The following HDAC9 variants were observed in gnomAD, a reference collection of about 807,000 sequenced individuals.
The protein encoded by HDAC9 is MEF-2 interacting transcription repressor (MITR) protein.
In HDAC9, 41 loss-of-function variants were observed where a neutral mutation model predicts 139.4. That is an observed-to-expected ratio of 0.29 (90% CI 0.23 to 0.38). The LOEUF is 0.38. HDAC9 is among the 10% of genes least tolerant of loss of function. The pLI is 1.00. For missense variants in HDAC9, 1,147 were observed against 1,297.0 expected, an observed-to-expected ratio of 0.88 and a Z score of 1.78; for synonymous variants, 517 against 476.2, an observed-to-expected ratio of 1.09 and a Z score of -1.12.
At chr7:18,282,721 A>G (rs543881416) in intron 2 of HDAC9, among the ~76,000 whole-genome samples, 15 of 152,222 alleles carry the variant, frequency 9.9e-5, no homozygotes, top group South Asian at 2.1e-4. Context: ...GGGAAAAATA[A>G]TAAATGAGTC....
At chr7:18,361,596 T>A (rs1783782830) in intron 1 of HDAC9, among the ~76,000 whole-genome samples, 1 of 152,220 alleles carries the variant, frequency 6.6e-6, no homozygotes, top group Non-Finnish European at 1.5e-5. Context: ...AAGGAAACAT[T>A]CATTTCTCTT....
intron 22 of HDAC9, among the ~76,000 whole-genome samples, chr7:18,897,269 T>C (rs1270948957): frequency 6.6e-6 from 1 of 152,056 alleles, no homozygotes; most frequent in African/African-American, 2.4e-5. Flanking sequence ...GTACATCTGA[T>C]TTAAAGATGA....
At chr7:18,836,552 T>G (rs1044378109) in intron 21 of HDAC9, among the ~76,000 whole-genome samples, 6 of 152,168 alleles carry the variant, frequency 3.9e-5, no homozygotes, top group Non-Finnish European at 1.5e-5. Flanking sequence ...TTCCATTTTC[T>G]CTGGAACAAA....
intron 2 of HDAC9, among the ~76,000 whole-genome samples, chr7:18,574,371 GA>G (rs1563334469): frequency 6.6e-6 from 1 of 152,224 alleles, no homozygotes; most frequent in Non-Finnish European, 1.5e-5. Flanking sequence ...CAGTCTGGCT[GA>G]GTCCAGGGTC....
chr7:18,223,254 C>G lies in HDAC9; in HGVS notation c.25+60905C>G, dbSNP rs528616016. ...TACGTATGTTGTAAATATTTACATA[C>G]GTCTTTTTCTTTTACCTCTTATGAT... is the stretch of plus-strand genomic sequence containing the variant. On this transcript the variant is annotated intron_variant, in intron 2 of 12. Transcript: ENST00000417496. Among the ~76,000 whole-genome samples the G allele has an allele frequency of 2.0e-5, 3 of 152,154 alleles. No homozygotes were observed. In the East Asian group the frequency reaches 5.8e-4, roughly 29 times the overall value.
chr7:18,721,363 T>C (rs1323100846), intron 12 of HDAC9, among the ~76,000 whole-genome samples: 1 of 152,184 alleles, frequency 6.6e-6, no homozygotes, highest in Non-Finnish European at 1.5e-5. Context: ...TAATATGTGA[T>C]ATTAATTTGC....
chr7:18,795,435 AT>A (rs1792716332), intron 17 of HDAC9, among the ~76,000 whole-genome samples: 1 of 152,056 alleles, frequency 6.6e-6, no homozygotes, highest in African/African-American at 2.4e-5. Flanking sequence ...AAGGTCATCC[AT>A]GGCACTGGCA....
chr7:18,573,319 A>G (rs1379274954), intron 2 of HDAC9, among the ~76,000 whole-genome samples: 1 of 152,236 alleles, frequency 6.6e-6, no homozygotes, highest in Non-Finnish European at 1.5e-5. Context: ...TTATTCCACG[A>G]TAATGTTATC....
intron 19 of HDAC9, among the ~76,000 whole-genome samples, chr7:18,830,378 C>T (rs1026799519): frequency 3.3e-5 from 5 of 152,108 alleles, no homozygotes; most frequent in East Asian, 3.8e-4. Context: ...GCATCCAAAC[C>T]GAACCTGGTA....
At chr7:18,366,560 A>G (rs1325719475) in intron 1 of HDAC9, among the ~76,000 whole-genome samples, 1 of 152,238 alleles carries the variant, frequency 6.6e-6, no homozygotes, top group East Asian at 1.9e-4. Flanking sequence ...TGGATACACT[A>G]TAAAAGAGCA....
chr7:18,140,906 A>G (rs1273536498), intron 1 of HDAC9, among the ~76,000 whole-genome samples: 3 of 151,714 alleles, frequency 2.0e-5, no homozygotes, highest in African/African-American at 7.3e-5. Flanking sequence ...CCAAACTTTA[A>G]AGTTTTTTTT....
At chr7:18,922,439 T>A (rs1803841321) in intron 22 of HDAC9, among the ~76,000 whole-genome samples, 1 of 152,036 alleles carries the variant, frequency 6.6e-6, no homozygotes, top group Non-Finnish European at 1.5e-5. Context: ...GCCTTCAAGA[T>A]TTTGTAGTCA....
rs530203013 is a variant in HDAC9, at chr7:18,695,584, G to T, written c.1731+29108G>T. Among the ~76,000 whole-genome samples, 6 of 152,252 alleles carry T rather than the reference G, an allele frequency of 3.9e-5. No homozygotes were observed. In the South Asian group the frequency reaches 6.2e-4, roughly 16 times the overall value. Reference sequence around the variant, plus strand: ...GAATAGTTTACTTGGTAATCTCTCTGGTGTTTTCAAAATGTTGCCAAGGTT... The same window carrying T: ...GAATAGTTTACTTGGTAATCTCTCTTGTGTTTTCAAAATGTTGCCAAGGTT... On this transcript the variant is annotated intron_variant, in intron 12 of 25. Transcript: ENST00000686413.
chr7:18,727,766 C>G lies in HDAC9; in HGVS notation c.1909+9C>G. 1.3e-6 allele frequency: 2 copies of G among 1,500,668 alleles called. No individual in the cohort carries two copies. The highest frequency in any genetic ancestry group is 1.8e-6 in the Non-Finnish European group (2 of 1,131,608). 93.0% of individuals were successfully genotyped at this position (1,500,668 alleles called of 1,614,324 possible). Reference sequence around the variant, plus strand: ...GCCTGGCTCTGCAACTGGTAGGAATCCCTAAAGACTCTCTCTAATAGGCAG... The same window carrying G: ...GCCTGGCTCTGCAACTGGTAGGAATGCCTAAAGACTCTCTCTAATAGGCAG... On this transcript the variant is annotated intron_variant, in intron 13 of 25. Coordinates refer to ENST00000686413, the MANE Select transcript of HDAC9 (RefSeq NM_178425.4).
intron 21 of HDAC9, among the ~76,000 whole-genome samples, chr7:18,847,545 G>A (rs544491572): frequency 6.6e-6 from 1 of 152,286 alleles, no homozygotes; most frequent in Non-Finnish European, 1.5e-5. Flanking sequence ...CCTGTGGTGT[G>A]AGAGTTGTCC....
intron 16 of HDAC9, among the ~76,000 whole-genome samples, chr7:18,788,153 C>T (rs1389384175): frequency 2.0e-5 from 3 of 152,162 alleles, no homozygotes; most frequent in Admixed American, 2.0e-4. Context: ...TTACTGACTT[C>T]TCTGCCAGCT....
At chr7:18,509,946 G>A (rs1216253407) in intron 2 of HDAC9, among the ~76,000 whole-genome samples, 1 of 152,066 alleles carries the variant, frequency 6.6e-6, no homozygotes, top group Non-Finnish European at 1.5e-5. Flanking sequence ...GCATATAATT[G>A]ATCCCTGAGA....
At position 18,292,210 on chromosome 7, in the gene HDAC9, T is replaced by A. The variant is rs1343098469; in HGVS notation, c.-42+1695T>A. ...ATTTAATCCTCCCTATATCCCTATA[T>A]AATACTTAATATTAATATCTTCATT... is the stretch of plus-strand genomic sequence containing the variant. On this transcript the variant is annotated intron_variant, in intron 1 of 3. Coordinates refer to the HDAC9 transcript ENST00000413509. Among the ~76,000 whole-genome samples, 6 of 152,118 alleles carry A rather than the reference T, an allele frequency of 3.9e-5. No homozygotes were observed. The East Asian group carries it at 1.2e-3, about 29-fold the overall frequency.
intron 1 of HDAC9, among the ~76,000 whole-genome samples, chr7:18,463,498 A>G (rs1215682678): frequency 6.6e-6 from 1 of 151,750 alleles, no homozygotes; most frequent in Non-Finnish European, 1.5e-5. Flanking sequence ...TAAATTTTCC[A>G]TTTTTATTTT....
Sources: gnomAD v4.1 joint callset for allele counts (sites outside exome capture counted in the v4.1 genomes callset) on GRCh38, gnomAD v4.1.1 for gene constraint, MANE v1.5 for transcripts, NCBI Gene and HGNC (gene_info 2026-07-23, HGNC 2026-07-21) for gene names.